The following STT3B variants were observed in gnomAD, a reference collection of about 807,000 sequenced individuals.
The protein encoded by STT3B is dolichyl-diphosphooligosaccharide--protein glycosyltransferase subunit STT3B.
A neutral mutation model predicts 96.8 loss-of-function variants in STT3B; 29 were observed. The ratio of observed to expected loss-of-function variants is 0.30; its 90% confidence interval spans 0.22 to 0.41. The LOEUF is 0.41. Among genes scored for constraint, STT3B ranks in the 10% least tolerant of loss-of-function variants. The probability of loss-of-function intolerance (pLI) is 1.00; values close to 1 mark genes in which losing one functional copy is unlikely to be tolerated. For missense variants in STT3B, 640 were observed against 1,022.3 expected, an observed-to-expected ratio of 0.63 and a Z score of 5.10; for synonymous variants, 367 against 360.0, an observed-to-expected ratio of 1.02 and a Z score of -0.22.
chr3:31,615,783 C>G (rs773358713), intron 6 of STT3B, among the ~76,000 whole-genome samples: 1 of 151,758 alleles, frequency 6.6e-6, no homozygotes, highest in Non-Finnish European at 1.5e-5. Context: ...CTTACTTAAC[C>G]ATTGTAAAAT....
rs541387059 is a variant in STT3B at position 31,566,761 on chromosome 3, C to T, written c.315-9635C>T. On this transcript the variant is annotated intron_variant, in intron 1 of 15. Transcript: ENST00000295770. ...ATTTTACTCTTTTATTTATCTGAAT[C>T]TTTTCTCCTCTACTCCCCCCAGCTC... Among the ~76,000 whole-genome samples the T allele has an allele frequency of 2.3e-3, 357 of 152,252 alleles. 2 individuals are homozygous for T. Among genetic ancestry groups the T allele is most frequent in the African/African-American group, 8.1e-3 (338 of 41,542 alleles).
intron 1 of STT3B, among the ~76,000 whole-genome samples, chr3:31,552,259 C>T (rs1697580012): frequency 6.6e-6 from 1 of 152,212 alleles, no homozygotes; most frequent in South Asian, 2.1e-4. Context: ...CCTAACTTCT[C>T]TCTGATCTCA....
chr3:31,616,742 A>AG (rs1213303437), intron 6 of STT3B, among the ~76,000 whole-genome samples, 187 bp from the exon 7 acceptor site: 7 of 151,774 alleles, frequency 4.6e-5, no homozygotes, highest in Non-Finnish European at 8.8e-5. Flanking sequence ...AAAAAAAAAA[A>AG]GTCACAGAAT....
At chr3:31,551,825 C>G (rs1487787023) in intron 1 of STT3B, among the ~76,000 whole-genome samples, 1 of 152,146 alleles carries the variant, frequency 6.6e-6, no homozygotes, top group Non-Finnish European at 1.5e-5. Context: ...TAGACTTGCA[C>G]CAGAGACTCC....
chr3:31,590,741 T>C (rs1290435172), intron 3 of STT3B, among the ~76,000 whole-genome samples: 1 of 152,034 alleles, frequency 6.6e-6, no homozygotes, highest in Non-Finnish European at 1.5e-5. Flanking sequence ...GTAAATAAAA[T>C]TTTACTGGAA....
chr3:31,574,879 T>A (rs977965270), intron 1 of STT3B, among the ~76,000 whole-genome samples: 7 of 152,086 alleles, frequency 4.6e-5, no homozygotes, highest in East Asian at 3.9e-4. Context: ...GGAAAAAAAA[T>A]TTTTGTTTTA....
intron 1 of STT3B, among the ~76,000 whole-genome samples, chr3:31,555,808 A>G (rs1038136125): frequency 3.3e-5 from 5 of 152,100 alleles, no homozygotes; most frequent in Non-Finnish European, 5.9e-5. Context: ...TGTACATATC[A>G]TATTTTGTAG....
At chr3:31,626,159 A>C (rs776647767) in intron 13 of STT3B, 32 bp downstream of exon 13, 1 of 1,579,730 alleles carries the variant, frequency 6.3e-7, no homozygotes, top group South Asian at 1.1e-5. Context: ...GGTATGTGAA[A>C]GATAGCTCAC....
intron 1 of STT3B, among the ~76,000 whole-genome samples, chr3:31,536,293 ACT>A (rs993583201): frequency 2.6e-5 from 4 of 152,090 alleles, no homozygotes; most frequent in Non-Finnish European, 4.4e-5. Flanking sequence ...GTAGCTGAAC[ACT>A]CTAGTGTTTC....
At chr3:31,548,676 T>C (rs1399075649) in intron 1 of STT3B, among the ~76,000 whole-genome samples, 1 of 152,192 alleles carries the variant, frequency 6.6e-6, no homozygotes, top group Admixed American at 6.5e-5. Context: ...TTCTCTTCTT[T>C]CTCTGCTCCG....
rs776991914 is a variant in STT3B, at chr3:31,633,002, A to C, written c.2255A>C (p.Lys752Thr). ...RNAEIGNKDI[K>T]FKHLEEAFTS... The stretch of plus-strand genomic sequence containing the variant: ...GCTGAGATTGGAAATAAGGACATTA[A>C]ATTCAAACATTTGGAAGAAGCCTTT... The change falls in exon 15 of 16, where the codon AAA (lysine) becomes ACA (threonine). Residue 752 changes from lysine (K) to threonine (T), a missense_variant. Transcript: ENST00000295770. The C allele has an allele frequency of 6.2e-7, 1 of 1,614,034 alleles. No individual in the cohort carries two copies. Among genetic ancestry groups the C allele is most frequent in the Admixed American group, 1.7e-5 (1 of 60,006 alleles).
At chr3:31,587,680 G>A (rs1698573190) in intron 3 of STT3B, among the ~76,000 whole-genome samples, 2 of 151,838 alleles carry the variant, frequency 1.3e-5, no homozygotes, top group African/African-American at 4.8e-5. Context: ...TAAACATTTG[G>A]GTTCTAATTT....
At chr3:31,598,417 C>T (rs1404651890) in intron 4 of STT3B, among the ~76,000 whole-genome samples, 1 of 151,986 alleles carries the variant, frequency 6.6e-6, no homozygotes, top group Admixed American at 6.6e-5. Context: ...AATAAGAGTA[C>T]TTGGAAGTTT....
chr3:31,619,487 T>C (rs982094696), intron 8 of STT3B, among the ~76,000 whole-genome samples, 189 bp from the exon 9 acceptor site: 1 of 152,208 alleles, frequency 6.6e-6, no homozygotes, highest in African/African-American at 2.4e-5. Context: ...GAGGGCATAT[T>C]AGTTTTAGTT....
intron 1 of STT3B, among the ~76,000 whole-genome samples, chr3:31,552,716 C>G (rs1318636955): frequency 1.3e-5 from 2 of 152,182 alleles, no homozygotes; most frequent in Admixed American, 6.5e-5. Flanking sequence ...TAGAAGCCAT[C>G]CACGAGTCCT....
At chr3:31,534,770 C>T (rs1295094851) in intron 1 of STT3B, among the ~76,000 whole-genome samples, 1 of 152,206 alleles carries the variant, frequency 6.6e-6, no homozygotes, top group African/African-American at 2.4e-5. Context: ...GAAATGTTTT[C>T]ATTCCATTTT....
chr3:31,533,410 C>T (rs2125430425), intron 1 of STT3B, 98 bp downstream of exon 1: 1 of 1,275,064 alleles, frequency 7.8e-7, no homozygotes, highest in South Asian at 2.3e-5. Context: ...CCCCGCGCCG[C>T]CGCGGAGCCC....
In STT3B at chr3:31,602,664, T is replaced by TA. The variant is rs1439053823; in HGVS notation, c.877+2205_877+2206insA. On this transcript the variant is annotated intron_variant, in intron 5 of 15. Transcript: ENST00000295770. ...CCTTTGTATTTGGTAGCTGGGATTTTTTTTTTTTTTTTTTTTTTGGTCACT... is the reference window on the plus strand; with the variant it reads ...CCTTTGTATTTGGTAGCTGGGATTTTATTTTTTTTTTTTTTTTTTGGTCACT... Among the ~76,000 whole-genome samples the TA allele has an allele frequency of 3.7e-5, 4 of 107,732 alleles. No homozygotes were observed. In the East Asian group the frequency reaches 1.3e-3, roughly 36 times the overall value. 70.7% of individuals were successfully genotyped at this position (107,732 alleles called of 152,430 possible). A position where few individuals can be genotyped will look rare whatever the true frequency, so the allele number is the denominator to read the frequency against.
intron 11 of STT3B, among the ~76,000 whole-genome samples, 182 bp downstream of exon 11, chr3:31,624,043 T>G (rs1033227173): frequency 6.6e-6 from 1 of 152,224 alleles, no homozygotes; most frequent in Non-Finnish European, 1.5e-5. Context: ...ACATTCTATT[T>G]ATGTCTTTTG....
Sources: gnomAD v4.1 joint callset for allele counts (sites outside exome capture counted in the v4.1 genomes callset) on GRCh38, gnomAD v4.1.1 for gene constraint, MANE v1.5 for transcripts, NCBI Gene and HGNC (gene_info 2026-07-23, HGNC 2026-07-21) for gene names.